Variants in CFHR3 observed in about 807,000 individuals in gnomAD.
The protein encoded by CFHR3 is complement factor H-related protein 3.
A neutral mutation model predicts 36.0 loss-of-function variants in CFHR3; 22 were observed. The ratio of observed to expected loss-of-function variants is 0.61; its 90% CI spans 0.44 to 0.87. CFHR3 has a LOEUF of 0.87. Ranked by LOEUF, CFHR3 falls within the 40% of genes least tolerant of loss-of-function variation. The probability of loss-of-function intolerance (pLI) is 0.00; values close to 1 mark genes in which losing one functional copy is unlikely to be tolerated. For synonymous variants in CFHR3, 97 were observed against 137.4 expected (o/e 0.71, Z 2.06); for missense variants, 276 against 401.3 (o/e 0.69, Z 2.67).
At chr1:196,779,557 G>A (rs1653861980) in intron 2 of CFHR3, among the ~76,000 whole-genome samples, 1 of 136,328 alleles carries the variant, frequency 7.3e-6, no homozygotes, top group South Asian at 2.5e-4. Flanking sequence ...GAGACTTTAT[G>A]AGAATATCTA....
Position 196,781,254 on chromosome 1 carries a change from A to G in CFHR3, c.430+1281A>G, listed in dbSNP as rs1225213832. On this transcript the variant is annotated intron_variant, in intron 3 of 5. Coordinates refer to ENST00000367425, the MANE Select transcript of CFHR3 (RefSeq NM_021023.6). ...CTTTGCTATTGTGAATAATGCCGCA[A>G]TAAGCATACGTGTGCATGTGTCTTT... Among the ~76,000 whole-genome samples, 2 of 135,004 alleles carry G rather than the reference A, an allele frequency of 1.5e-5. 1 individual carries two copies. The highest frequency in any genetic ancestry group is 6.3e-5 in the African/African-American group (2 of 31,774). 88.6% of individuals were successfully genotyped at this position (135,004 alleles called of 152,430 possible). A position where few individuals can be genotyped will look rare whatever the true frequency, so the allele number is the denominator to read the frequency against.
In CFHR3 at chr1:196,795,332, C is replaced by T. The variant is rs1189544248; in HGVS notation, c.*1819C>T. On this transcript the variant is annotated 3_prime_UTR_variant, in exon 6 of 6. Coordinates refer to ENST00000367425, the MANE Select transcript of CFHR3 (RefSeq NM_021023.6). ...AAGATGTACCTTTGCTACTCATTCA[C>T]CTTCTGTCATGATGGTGAGGCCTTC... is the stretch of plus-strand genomic sequence containing the variant. The T allele has an allele frequency of 7.3e-6, 1 of 137,046 alleles. No individual in the cohort carries two copies. The highest frequency in any genetic ancestry group is 3.1e-5 in the African/African-American group (1 of 32,728). The allele number at this position is 137,046 out of a possible 1,614,324, so 8.5% of individuals were successfully genotyped here. A position where few individuals can be genotyped will look rare whatever the true frequency, so the allele number is the denominator to read the frequency against.
chr1:196,788,189 CT>C (rs1343814908), intron 3 of CFHR3, 26 bp from the exon 4 acceptor site: 1 of 1,438,330 alleles, frequency 7.0e-7, no homozygotes, highest in Non-Finnish European at 9.3e-7. Context: ...CTAATATTTA[CT>C]TTTTTCTTGA....
rs770027832 is a variant in CFHR3 at position 196,779,984 on chromosome 1, C to A, written c.430+11C>A. On this transcript the variant is annotated intron_variant, in intron 3 of 5. Transcript: ENST00000367425. ...GATGCATCCGTGTCAGTAAGTACAC[C>A]GCTCTGAGATCCCAGCATGTTCATG... 18 of 1,532,026 alleles carry A rather than the reference C, an allele frequency of 1.2e-5. 5 individuals carry two copies. Among genetic ancestry groups the A allele is most frequent in the Middle Eastern group, 3.7e-4 (2 of 5,342 alleles). 94.9% of individuals were successfully genotyped at this position (1,532,026 alleles called of 1,614,324 possible).
chr1:196,789,160 C>G, intron 4 of CFHR3: 2 of 965,044 alleles, frequency 2.1e-6, no homozygotes, highest in Non-Finnish European at 2.5e-6. Context: ...TATTTTTAAC[C>G]CAAATACTGT....
intron 3 of CFHR3, 83 bp downstream of exon 3, chr1:196,780,056 C>A: frequency 1.4e-6 from 2 of 1,479,084 alleles, no homozygotes; most frequent in Non-Finnish European, 9.2e-7. Flanking sequence ...TCTATATTAA[C>A]TGTGGCAAAA....
At chr1:196,792,031 TTACATA>T (rs1247382540) in intron 5 of CFHR3, among the ~76,000 whole-genome samples, 2 of 132,932 alleles carry the variant, frequency 1.5e-5, no homozygotes, top group Admixed American at 7.3e-5. Context: ...ATGGAAAAGA[TTACATA>T]TACATATGGC....
chr1:196,781,629 G>T (rs1403850773), intron 3 of CFHR3, among the ~76,000 whole-genome samples: 1 of 136,230 alleles, frequency 7.3e-6, no homozygotes, highest in Admixed American at 7.1e-5. Context: ...CATGTCCTTT[G>T]CCCACTTTTT....
chr1:196,790,189 G>A lies in CFHR3; in HGVS notation c.758G>A (p.Cys253Tyr). ...YELQGSNYVT[C>Y]SNGEWSEPPR... Reference sequence around the variant, plus strand: ...CTTCAGGGTTCTAATTATGTAACATGTAGTAATGGAGAGTGGTCGGAACCA... The same window carrying A: ...CTTCAGGGTTCTAATTATGTAACATATAGTAATGGAGAGTGGTCGGAACCA... Residue 253 changes from cysteine (C) to tyrosine (Y), a missense_variant, in exon 5 of 6, where the codon TGT becomes TAT. Cys to Tyr is a radical substitution (Grantham distance 194). Coordinates refer to ENST00000367425, the MANE Select transcript of CFHR3 (RefSeq NM_021023.6). The A allele has an allele frequency of 2.2e-6, 3 of 1,366,122 alleles. No homozygotes were observed. The highest frequency in any genetic ancestry group is 2.9e-6 in the Non-Finnish European group (3 of 1,026,964). The allele number at this position is 1,366,122 out of a possible 1,614,324, so 84.6% of individuals were successfully genotyped here. A position where few individuals can be genotyped will look rare whatever the true frequency, so the allele number is the denominator to read the frequency against.
Position 196,787,442 on chromosome 1 carries a change from T to C in CFHR3, c.431-774T>C, listed in dbSNP as rs1189814993. On this transcript the variant is annotated intron_variant, in intron 3 of 5. Coordinates refer to ENST00000367425, the MANE Select transcript of CFHR3 (RefSeq NM_021023.6). ...TATGCATCATCTTTAACATGATTTC[T>C]TTTTCTTTCAGATAGTAAAATTGGT... 2.2e-5 allele frequency among the ~76,000 whole-genome samples: 3 copies of C among 137,236 alleles called. 1 individual carries two copies. The highest frequency in any genetic ancestry group is 4.6e-5 in the Non-Finnish European group (3 of 64,636). The allele number at this position is 137,236 out of a possible 152,430, so 90.0% of individuals were successfully genotyped here. A position where few individuals can be genotyped will look rare whatever the true frequency, so the allele number is the denominator to read the frequency against.
intron 3 of CFHR3, among the ~76,000 whole-genome samples, chr1:196,787,932 G>T (rs1573121906): frequency 7.3e-6 from 1 of 136,700 alleles, no homozygotes; most frequent in African/African-American, 3.1e-5. Context: ...ATTAGGGACT[G>T]GAGAGTCTCC....
intron 1 of CFHR3, among the ~76,000 whole-genome samples, chr1:196,778,227 G>A (rs1208483558): frequency 7.4e-6 from 1 of 134,754 alleles, no homozygotes; most frequent in African/African-American, 3.1e-5. Flanking sequence ...CAAGCCTCTG[G>A]AGCCAGTTCT....
rs2124842772 is a variant in CFHR3 at position 196,779,808 on chromosome 1, T to C, written c.265T>C (p.Phe89Leu). ...PAVPCLRKCY[F>L]PYLENGYNQN... is the part of the protein sequence containing the mutation. ...TGCTATGTCCTTAGGAAAATGTTAT[T>C]TTCCTTATTTGGAAAATGGATATAA... Residue 89 changes from phenylalanine to leucine, a missense_variant, in exon 3 of 6, where the codon TTT (phenylalanine) becomes CTT (leucine). Phe to Leu is a conservative substitution (Grantham distance 22). Coordinates refer to ENST00000367425, the MANE Select transcript of CFHR3 (RefSeq NM_021023.6). 1 of 1,524,612 alleles carries C rather than the reference T, an allele frequency of 6.6e-7. No homozygotes were observed. The highest frequency in any genetic ancestry group is 8.9e-7 in the Non-Finnish European group (1 of 1,127,932). The allele number at this position is 1,524,612 out of a possible 1,614,324, so 94.4% of individuals were successfully genotyped here.
At chr1:196,787,927 G>A (rs115026124) in intron 3 of CFHR3, among the ~76,000 whole-genome samples, 3,217 of 136,488 alleles carry the variant, frequency 0.024, 877 homozygotes, top group African/African-American at 0.094. Flanking sequence ...ATTTCATTAG[G>A]GACTGGAGAG....
At position 196,783,166 on chromosome 1, in the gene CFHR3, G is replaced by T. The variant is rs1183706899; in HGVS notation, c.430+3193G>T. On this transcript the variant is annotated intron_variant, in intron 3 of 5. Coordinates refer to ENST00000367425, the MANE Select transcript of CFHR3 (RefSeq NM_021023.6). ...CCGGGATGAAGACCACTTGATCATG[G>T]TGGATAAGCTTTTTGATGTGCTGTT... Among the ~76,000 whole-genome samples, 4 of 136,160 alleles carry T rather than the reference G, an allele frequency of 2.9e-5. 1 individual carries two copies. The highest frequency in any genetic ancestry group is 6.2e-5 in the African/African-American group (2 of 32,360). The allele number at this position is 136,160 out of a possible 152,430, so 89.3% of individuals were successfully genotyped here.
At position 196,795,205 on chromosome 1, in the gene CFHR3, G is replaced by C. The variant is rs571884099; in HGVS notation, c.*1692G>C. 7.3e-6 allele frequency: 1 copy of C among 136,324 alleles called. No individual in the cohort carries two copies. The highest frequency in any genetic ancestry group is 2.0e-4 in the East Asian group (1 of 5,118). The allele number at this position is 136,324 out of a possible 1,614,324, so 8.4% of individuals were successfully genotyped here. A position where few individuals can be genotyped will look rare whatever the true frequency, so the allele number is the denominator to read the frequency against. On this transcript the variant is annotated 3_prime_UTR_variant, in exon 6 of 6. Coordinates refer to ENST00000367425, the MANE Select transcript of CFHR3 (RefSeq NM_021023.6). ...TGGAGATAATGGAATCATGGGAGCA[G>C]TTTCCCCATACCCCACTCATGGTAG...
Position 196,794,129 on chromosome 1 carries a change from A to T in CFHR3, c.*616A>T, listed in dbSNP as rs562642340. On this transcript the variant is annotated 3_prime_UTR_variant, in exon 6 of 6. Transcript: ENST00000367425. ...TCAGAGCATTGGGAACACAGCCAGA[A>T]GTGCATTAAATGTATATATTAACTT... 2 of 143,664 alleles carry T rather than the reference A, an allele frequency of 1.4e-5. No individual in the cohort carries two copies. Among genetic ancestry groups the T allele is most frequent in the Admixed American group, 1.3e-4 (2 of 15,122 alleles). 8.9% of individuals were successfully genotyped at this position (143,664 alleles called of 1,614,324 possible). A position where few individuals can be genotyped will look rare whatever the true frequency, so the allele number is the denominator to read the frequency against.
Position 196,779,384 on chromosome 1 carries a change from T to C in CFHR3, c.253+28T>C. The C allele has an allele frequency of 2.2e-6, 3 of 1,379,782 alleles. 1 individual carries two copies. Among genetic ancestry groups the C allele is most frequent in the Middle Eastern group, 4.0e-4 (2 of 4,968 alleles). The allele number at this position is 1,379,782 out of a possible 1,614,324, so 85.5% of individuals were successfully genotyped here. A position where few individuals can be genotyped will look rare whatever the true frequency, so the allele number is the denominator to read the frequency against. ...AAGTAATCCTCTGAACTGCTACACA[T>C]GTATAAAACTTTAAAAGATTAAAGA... On this transcript the variant is annotated intron_variant, in intron 2 of 5. Transcript: ENST00000367425.
At position 196,782,690 on chromosome 1, in the gene CFHR3, T is replaced by A. The variant is rs1308517500; in HGVS notation, c.430+2717T>A. Among the ~76,000 whole-genome samples, 8 of 137,032 alleles carry A rather than the reference T, an allele frequency of 5.8e-5. 2 individuals are homozygous for A. The highest frequency in any genetic ancestry group is 2.0e-4 in the East Asian group (1 of 5,124). 89.9% of individuals were successfully genotyped at this position (137,032 alleles called of 152,430 possible). ...CTTTGCTGAAGTTGCTAATCAGCTT[T>A]AGGAGATTTTGGGCTGAGACAATGG... On this transcript the variant is annotated intron_variant, in intron 3 of 5. Coordinates refer to ENST00000367425, the MANE Select transcript of CFHR3 (RefSeq NM_021023.6).
Sources: allele counts gnomAD v4.1 joint callset (sites outside exome capture counted in the v4.1 genomes callset), GRCh38; gene constraint gnomAD v4.1.1; transcripts MANE v1.5; gene names NCBI Gene and HGNC (gene_info 2026-07-23, HGNC 2026-07-21).